The following MATN2 variants were observed in gnomAD, a reference collection of about 807,000 sequenced individuals.
The protein encoded by MATN2 is matrilin-2.
In MATN2, 69 loss-of-function variants were observed where a neutral mutation model predicts 103.2. The ratio of observed to expected loss-of-function variants is 0.67; its 90% CI spans 0.55 to 0.82. The LOEUF is 0.82. MATN2 is among the 40% of genes least tolerant of loss of function. The probability of loss-of-function intolerance (pLI) is 0.00; values close to 1 mark genes in which losing one functional copy is unlikely to be tolerated. For synonymous variants in MATN2, 429 were observed against 450.2 expected (o/e 0.95, Z 0.60); for missense variants, 1,023 against 1,211.5 (o/e 0.84, Z 2.31).
At chr8:97,899,670 T>A (rs941310494) in intron 2 of MATN2, among the ~76,000 whole-genome samples, 2 of 152,178 alleles carry the variant, frequency 1.3e-5, no homozygotes, top group African/African-American at 4.8e-5. Context: ...TTTAACTTAA[T>A]CACATCTTTG....
At chr8:97,907,460 C>T (rs533591118) in intron 2 of MATN2, among the ~76,000 whole-genome samples, 64 of 151,540 alleles carry the variant, frequency 4.2e-4, no homozygotes, top group Middle Eastern at 6.8e-3. Flanking sequence ...TACAGGCGCC[C>T]GCCACCACAG....
chr8:97,994,518 C>T lies in MATN2; in HGVS notation c.1120C>T (p.His374Tyr). ...YCASSNHGCQHECVNTDDSYS... is the reference protein window; with the variant it reads ...YCASSNHGCQYECVNTDDSYS... The stretch of plus-strand genomic sequence containing the variant: ...TGCCTCATCTAATCACGGATGTCAG[C>T]ACGAGTGTGTTAACACAGATGATTC... The change falls in exon 7 of 19, where the codon CAC (histidine) becomes TAC (tyrosine). Residue 374 changes from histidine (H) to tyrosine (Y), a missense_variant. His to Tyr is a moderately conservative substitution (Grantham distance 83). Coordinates refer to ENST00000254898, the MANE Select transcript of MATN2 (RefSeq NM_002380.5). The T allele has an allele frequency of 6.2e-7, 1 of 1,613,344 alleles. No homozygotes were observed.
chr8:98,027,528 G>C lies in MATN2; in HGVS notation c.2055G>C (p.Leu685Phe), dbSNP rs1214850560. The C allele has an allele frequency of 1.9e-6, 3 of 1,613,786 alleles. No homozygotes were observed. Among genetic ancestry groups the C allele is most frequent in the Admixed American group, 3.3e-5 (2 of 59,968 alleles). ...TTGTCACTGGAATTATAGATTCCTT[G>C]ACAATTTCCCCCAAAGCCGCTCGAG... ...KQFVTGIIDS[L>F]TISPKAARVG... Residue 685 changes from leucine to phenylalanine, a missense_variant, in exon 14 of 19, where the codon TTG becomes TTC. Leu to Phe is a conservative substitution (Grantham distance 22). Coordinates refer to ENST00000254898, the MANE Select transcript of MATN2 (RefSeq NM_002380.5).
intron 8 of MATN2, among the ~76,000 whole-genome samples, chr8:98,004,630 T>C (rs1812905032): frequency 6.6e-6 from 1 of 152,220 alleles, no homozygotes; most frequent in Non-Finnish European, 1.5e-5. Flanking sequence ...GTTCCTATCA[T>C]GGAGCCTGTG....
At chr8:97,944,723 G>A (rs1346901430) in intron 4 of MATN2, among the ~76,000 whole-genome samples, 1 of 152,210 alleles carries the variant, frequency 6.6e-6, no homozygotes, top group Admixed American at 6.5e-5. Flanking sequence ...GCTGTGCCAA[G>A]TGAAGGCTGT....
intron 3 of MATN2, among the ~76,000 whole-genome samples, chr8:97,935,141 C>G (rs1043220590): frequency 6.6e-6 from 1 of 151,966 alleles, no homozygotes; most frequent in Non-Finnish European, 1.5e-5. Context: ...CCAGGCTGGC[C>G]TCGAACTCCT....
At chr8:98,032,609 G>A (rs1485916282) in intron 16 of MATN2, among the ~76,000 whole-genome samples, 1 of 152,006 alleles carries the variant, frequency 6.6e-6, no homozygotes, top group Non-Finnish European at 1.5e-5. Context: ...TCAGCTCACT[G>A]CAACCTCCAC....
At chr8:97,924,094 A>G (rs574397407) in intron 2 of MATN2, among the ~76,000 whole-genome samples, 33 of 152,276 alleles carry the variant, frequency 2.2e-4, no homozygotes, top group African/African-American at 6.7e-4. Context: ...GGGAATCACT[A>G]TAGTCACTGT....
At chr8:97,903,446 G>A (rs1015331061) in intron 2 of MATN2, among the ~76,000 whole-genome samples, 34 of 152,224 alleles carry the variant, frequency 2.2e-4, no homozygotes, top group African/African-American at 8.2e-4. Flanking sequence ...AGGAAGGCAG[G>A]GTTTTTTTGT....
At chr8:97,926,832 C>A (rs1810003845) in intron 2 of MATN2, among the ~76,000 whole-genome samples, 2 of 152,216 alleles carry the variant, frequency 1.3e-5, no homozygotes, top group African/African-American at 4.8e-5. Flanking sequence ...AGACTTGCTT[C>A]CACCAGAATT....
chr8:97,976,739 C>CT (rs35592375), intron 5 of MATN2, among the ~76,000 whole-genome samples: 80 of 144,652 alleles, frequency 5.5e-4, no homozygotes, highest in African/African-American at 9.9e-4. Context: ...TTTCCAAAAA[C>CT]TTTTTTTTTT....
chr8:97,898,322 G>A (rs2130018548), intron 2 of MATN2, among the ~76,000 whole-genome samples: 1 of 152,214 alleles, frequency 6.6e-6, no homozygotes, highest in East Asian at 1.9e-4. Flanking sequence ...ACGGCCGGGT[G>A]CGGTGGCTCA....
chr8:98,021,111 AAG>A, intron 12 of MATN2, 92 bp from the exon 13 acceptor site: 1 of 1,253,334 alleles, frequency 8.0e-7, no homozygotes, highest in Non-Finnish European at 1.1e-6. Flanking sequence ...TTTTCTTTAA[AAG>A]AGATTACTTC....
intron 1 of MATN2, among the ~76,000 whole-genome samples, chr8:97,876,522 C>T (rs140617698): frequency 6.6e-6 from 1 of 152,140 alleles, no homozygotes; most frequent in African/African-American, 2.4e-5. Flanking sequence ...CAGGGTCTCA[C>T]AATATTGACC....
At chr8:98,033,540 A>G in intron 17 of MATN2, 21 bp from the exon 18 acceptor site, 2 of 1,399,438 alleles carry the variant, frequency 1.4e-6, no homozygotes, top group Non-Finnish European at 2.0e-6. Flanking sequence ...AGAGGTGAAC[A>G]CTTTCCATCT....
chr8:97,966,211 A>G (rs1388054654), intron 5 of MATN2, among the ~76,000 whole-genome samples: 1 of 152,028 alleles, frequency 6.6e-6, no homozygotes, highest in African/African-American at 2.4e-5. Flanking sequence ...TTGAGCTTCC[A>G]TGGCTGTGAG....
chr8:97,872,193 A>C (rs1039734338), intron 1 of MATN2, among the ~76,000 whole-genome samples: 1 of 152,252 alleles, frequency 6.6e-6, no homozygotes, highest in African/African-American at 2.4e-5. Context: ...TGAAATAATT[A>C]ATGTGAATTT....
chr8:98,018,226 G>T, intron 12 of MATN2, 110 bp downstream of exon 12: 1 of 1,413,980 alleles, frequency 7.1e-7, no homozygotes, highest in Admixed American at 1.9e-5. Flanking sequence ...ACAAGTGTCA[G>T]TTCCTGCCTT....
chr8:97,978,421 G>T (rs949308082), intron 5 of MATN2, among the ~76,000 whole-genome samples: 3 of 152,096 alleles, frequency 2.0e-5, no homozygotes, highest in Admixed American at 2.0e-4. Context: ...ATAGTTTATT[G>T]TATATAATTT....
Sources: allele counts gnomAD v4.1 joint callset (sites outside exome capture counted in the v4.1 genomes callset), GRCh38; gene constraint gnomAD v4.1.1; transcripts MANE v1.5; gene names NCBI Gene and HGNC (gene_info 2026-07-23, HGNC 2026-07-21).